LRRC4C: variants seen among roughly 807,000 people sequenced by gnomAD.
The protein encoded by LRRC4C is leucine-rich repeat-containing protein 4C.
LRRC4C carries 5 observed loss-of-function variants against 33.6 expected under a neutral mutation model. The ratio of observed to expected loss-of-function variants is 0.15; its 90% CI spans 0.08 to 0.31. LRRC4C has a LOEUF of 0.31. Ranked by LOEUF, LRRC4C falls within the 10% of genes least tolerant of loss-of-function variation. The pLI, the probability that LRRC4C is intolerant of heterozygous loss-of-function variation, is 1.00. For synonymous variants in LRRC4C, 329 were observed against 302.0 expected, an observed-to-expected ratio of 1.09 and a Z score of -0.93; for missense variants, 560 against 796.7, an observed-to-expected ratio of 0.70 and a Z score of 3.58.
intron 2 of LRRC4C, among the ~76,000 whole-genome samples, chr11:40,692,310 T>C (rs2136410697): frequency 6.6e-6 from 1 of 151,670 alleles, no homozygotes; most frequent in Middle Eastern, 3.4e-3. Context: ...GGGGGATGGG[T>C]GGAGAAACAC....
Position 41,459,509 on chromosome 11 carries a change from C to T in LRRC4C, c.-574G>A, listed in dbSNP as rs1199542550. The T allele has an allele frequency of 6.6e-6, 1 of 151,572 alleles. No individual in the cohort carries two copies. Among genetic ancestry groups the T allele is most frequent in the Non-Finnish European group, 1.5e-5 (1 of 68,002 alleles). The allele number at this position is 151,572 out of a possible 1,614,324, so 9.4% of individuals were successfully genotyped here. On this transcript the variant is annotated 5_prime_UTR_variant, in exon 1 of 7. Coordinates refer to ENST00000528697, the MANE Select transcript of LRRC4C (RefSeq NM_001258419.2). ...GCCGTGCACTACTCTATTTTCTTTT[C>T]TTCTTTTTATTTTTTTTTAAGTCAT...
intron 3 of LRRC4C, among the ~76,000 whole-genome samples, chr11:40,508,369 C>T (rs79395979): frequency 0.017 from 2,517 of 152,038 alleles, 85 homozygotes; most frequent in African/African-American, 0.057. Flanking sequence ...CAGAGGTAGA[C>T]AGAAGGCTTG....
intron 1 of LRRC4C, among the ~76,000 whole-genome samples, chr11:41,057,641 G>T (rs575814179): frequency 5.0e-4 from 76 of 152,330 alleles, no homozygotes; most frequent in Non-Finnish European, 9.1e-4. Flanking sequence ...AGCCAGAGCT[G>T]AGCAGACTTC....
At chr11:41,076,746 G>A (rs927107182) in intron 1 of LRRC4C, among the ~76,000 whole-genome samples, 2 of 152,042 alleles carry the variant, frequency 1.3e-5, no homozygotes, top group South Asian at 4.1e-4. Context: ...AACCAATCAT[G>A]CCTTTTCAGC....
intron 2 of LRRC4C, among the ~76,000 whole-genome samples, chr11:40,919,081 A>T (rs966279178): frequency 7.2e-5 from 11 of 152,134 alleles, no homozygotes; most frequent in Non-Finnish European, 1.0e-4. Context: ...CCTTTATTAA[A>T]GTTTGGTTAT....
intron 2 of LRRC4C, among the ~76,000 whole-genome samples, chr11:40,683,068 C>T (rs554354952): frequency 5.7e-4 from 87 of 152,268 alleles, no homozygotes; most frequent in Middle Eastern, 6.8e-3. Flanking sequence ...TGATAACATA[C>T]GAGGAGAATA....
intron 2 of LRRC4C, among the ~76,000 whole-genome samples, chr11:40,677,404 C>T (rs1944460286): frequency 6.6e-6 from 1 of 151,954 alleles, no homozygotes. Flanking sequence ...CAAAACAAGA[C>T]AAACATATGA....
At chr11:41,239,202 G>C (rs1591031322) in intron 1 of LRRC4C, among the ~76,000 whole-genome samples, 1 of 147,330 alleles carries the variant, frequency 6.8e-6, no homozygotes, top group South Asian at 2.2e-4. Context: ...GACGCCTGTA[G>C]TCCCAGCTAC....
intron 2 of LRRC4C, among the ~76,000 whole-genome samples, chr11:40,882,970 G>T (rs1283288830): frequency 6.6e-6 from 1 of 152,010 alleles, no homozygotes; most frequent in South Asian, 2.1e-4. Context: ...TATTATATTA[G>T]AGGTATTTTC....
chr11:41,112,975 G>A (rs75547988), intron 1 of LRRC4C, among the ~76,000 whole-genome samples: 2,566 of 152,152 alleles, frequency 0.017, 69 homozygotes, highest in African/African-American at 0.058. Flanking sequence ...TTGGGTTAAA[G>A]GATACAAACA....
chr11:40,879,323 T>C lies in LRRC4C; in HGVS notation c.-407+54312A>G, dbSNP rs529237427. ...GCTGGCCTAATTCTTAACGAAACAG[T>C]TTGGTGTGCTCAAAAATTTCACAAA... On this transcript the variant is annotated intron_variant, in intron 2 of 6. Transcript: ENST00000528697. 2.2e-4 allele frequency among the ~76,000 whole-genome samples: 34 copies of C among 152,278 alleles called. 1 individual carries two copies. In the South Asian group the frequency reaches 6.6e-3, roughly 30 times the overall value.
intron 1 of LRRC4C, among the ~76,000 whole-genome samples, chr11:41,370,923 A>T (rs1257345300): frequency 6.6e-6 from 1 of 152,184 alleles, no homozygotes; most frequent in Non-Finnish European, 1.5e-5. Context: ...GTTAACTTCC[A>T]GTAGATAGGA....
chr11:40,438,523 G>A (rs1253431336), intron 3 of LRRC4C, among the ~76,000 whole-genome samples: 2 of 152,218 alleles, frequency 1.3e-5, no homozygotes, highest in Non-Finnish European at 2.9e-5. Flanking sequence ...AGCAATTTGT[G>A]TCCCCAATGT....
chr11:40,662,982 ATAAGT>A (rs2136220416), intron 2 of LRRC4C, among the ~76,000 whole-genome samples: 1 of 152,368 alleles, frequency 6.6e-6, no homozygotes, highest in East Asian at 1.9e-4. Flanking sequence ...AAATAATTTC[ATAAGT>A]TAAATTATAT....
intron 1 of LRRC4C, among the ~76,000 whole-genome samples, chr11:41,276,999 G>A (rs1191672652): frequency 2.6e-5 from 4 of 152,034 alleles, no homozygotes; most frequent in African/African-American, 4.8e-5. Flanking sequence ...CTAAGTTTGC[G>A]GTAGCTCTTT....
rs559032772 is a variant in LRRC4C at position 40,373,214 on chromosome 11, G to A, written c.-269-53493C>T. Among the ~76,000 whole-genome samples the A allele has an allele frequency of 7.2e-5, 11 of 152,200 alleles. No individual in the cohort carries two copies. In the South Asian group the frequency reaches 8.3e-4, roughly 11 times the overall value. On this transcript the variant is annotated intron_variant, in intron 3 of 6. Coordinates refer to ENST00000528697, the MANE Select transcript of LRRC4C (RefSeq NM_001258419.2). ...TACATTTCAAAGACAAAATAATAAAGCATTTGTAAGGTAATATAGGAAGGT... is the reference window on the plus strand; with the variant it reads ...TACATTTCAAAGACAAAATAATAAAACATTTGTAAGGTAATATAGGAAGGT...
At chr11:40,752,183 G>A (rs1243162964) in intron 2 of LRRC4C, among the ~76,000 whole-genome samples, 4 of 151,966 alleles carry the variant, frequency 2.6e-5, no homozygotes, top group East Asian at 3.9e-4. Context: ...ACTTCAAGAC[G>A]TTGGTTTAGG....
chr11:40,415,180 T>C (rs1246662463), intron 3 of LRRC4C, among the ~76,000 whole-genome samples: 3 of 152,174 alleles, frequency 2.0e-5, no homozygotes, highest in Non-Finnish European at 4.4e-5. Flanking sequence ...TTTATGCATA[T>C]ATAATTACAA....
chr11:40,503,823 G>A (rs1266096169), intron 3 of LRRC4C, among the ~76,000 whole-genome samples: 2 of 152,134 alleles, frequency 1.3e-5, no homozygotes, highest in African/African-American at 4.8e-5. Context: ...CCCTCAAAAA[G>A]GTGGATATAC....
Sources: allele counts gnomAD v4.1 joint callset (sites outside exome capture counted in the v4.1 genomes callset), GRCh38; gene constraint gnomAD v4.1.1; transcripts MANE v1.5; gene names NCBI Gene and HGNC (gene_info 2026-07-23, HGNC 2026-07-21).